Variants in ATG13 observed in about 807,000 individuals in gnomAD.
The protein encoded by ATG13 is autophagy related 13.
A neutral mutation model predicts 65.5 loss-of-function variants in ATG13; 23 were observed. The observed-to-expected ratio is 0.35, with a 90% confidence interval of 0.25 to 0.50. The LOEUF (loss-of-function observed/expected upper bound fraction) is 0.50. Among genes scored for constraint, ATG13 ranks in the 20% least tolerant of loss-of-function variants. The probability of loss-of-function intolerance (pLI) is 0.98; values close to 1 mark genes in which losing one functional copy is unlikely to be tolerated. For synonymous variants in ATG13, 252 were observed against 245.2 expected (o/e 1.03, Z -0.26); for missense variants, 566 against 677.0 (o/e 0.84, Z 1.82).
rs1023221994 is a variant in ATG13, at chr11:46,668,215, G to A, written c.1252-284G>A. Among the ~76,000 whole-genome samples, 3 of 152,282 alleles carry A rather than the reference G, an allele frequency of 2.0e-5. No individual in the cohort carries two copies. In the East Asian group the frequency reaches 5.8e-4, roughly 29 times the overall value. ...AACTAGGAGGTTCCTCCTCAGCGGGGCCAGTGAAGCACATTATTACTGCAT... is the reference window on the plus strand; with the variant it reads ...AACTAGGAGGTTCCTCCTCAGCGGGACCAGTGAAGCACATTATTACTGCAT... On this transcript the variant is annotated intron_variant, in intron 15 of 18. Coordinates refer to ENST00000683050, the MANE Select transcript of ATG13 (RefSeq NM_001346311.2).
chr11:46,639,374 T>G (rs76781632), intron 2 of ATG13, among the ~76,000 whole-genome samples: 2,480 of 152,280 alleles, frequency 0.016, 68 homozygotes, highest in African/African-American at 0.057. Context: ...ATAGTGGTTA[T>G]TGTTGGCTTC....
chr11:46,661,840 T>A (rs920960523), intron 11 of ATG13, among the ~76,000 whole-genome samples: 7 of 151,954 alleles, frequency 4.6e-5, no homozygotes, highest in South Asian at 2.1e-4. Flanking sequence ...CAAAAAAAAA[T>A]AAAATAATAA....
intron 18 of ATG13, among the ~76,000 whole-genome samples, chr11:46,670,112 A>G (rs1015399699): frequency 3.3e-5 from 5 of 152,130 alleles, no homozygotes; most frequent in African/African-American, 9.7e-5. Context: ...TGGAATGATC[A>G]CCTCCTAAAT....
rs61702455 is a variant in ATG13 at position 46,671,409 on chromosome 11, A to G, written c.1576-846A>G. 4.7e-3 allele frequency among the ~76,000 whole-genome samples: 719 copies of G among 152,178 alleles called. 9 individuals carry two copies. The highest frequency in any genetic ancestry group is 0.017 in the African/African-American group (691 of 41,502). ...CTTCTGTCTTTACCATTCTCTCTCA[A>G]TCTCTAACTCACCCCTTCCTCAGCT... is the stretch of plus-strand genomic sequence containing the variant. On this transcript the variant is annotated intron_variant, in intron 18 of 18. Coordinates refer to ENST00000683050, the MANE Select transcript of ATG13 (RefSeq NM_001346311.2).
At chr11:46,636,514 T>G (rs958740376) in intron 2 of ATG13, among the ~76,000 whole-genome samples, 1 of 132,570 alleles carries the variant, frequency 7.5e-6, no homozygotes. Context: ...GCCGAGATCA[T>G]GCCACTGCAC....
intron 5 of ATG13, among the ~76,000 whole-genome samples, chr11:46,647,917 G>A (rs2058053150): frequency 6.6e-6 from 1 of 151,972 alleles, no homozygotes; most frequent in Non-Finnish European, 1.5e-5. Context: ...AGCCTGTATT[G>A]TGAGTTTTAA....
At chr11:46,642,828 C>T (rs2056484674) in intron 2 of ATG13, among the ~76,000 whole-genome samples, 2 of 152,210 alleles carry the variant, frequency 1.3e-5, no homozygotes, top group South Asian at 2.1e-4. Context: ...GTGGGCTCCC[C>T]TGTCTCGCAC....
rs1355627074 is a variant in ATG13, at chr11:46,673,029, AC to A, written c.*700del. The A allele has an allele frequency of 4.7e-6, 1 of 211,128 alleles. No homozygotes were observed. Among genetic ancestry groups the A allele is most frequent in the African/African-American group, 2.3e-5 (1 of 43,222 alleles). 13.1% of individuals were successfully genotyped at this position (211,128 alleles called of 1,614,324 possible). ...CAGCTCCATGGGAAATAAAAATGGC[AC>A]CCTGAATCTCTAGGATTTTGTCACT... On this transcript the variant is annotated 3_prime_UTR_variant, in exon 19 of 19. Transcript: ENST00000683050.
Position 46,668,340 on chromosome 11 carries a change from C to T in ATG13, c.1252-159C>T, listed in dbSNP as rs558721289. Among the ~76,000 whole-genome samples, 8 of 152,264 alleles carry T rather than the reference C, an allele frequency of 5.3e-5. No homozygotes were observed. The South Asian group carries it at 6.2e-4, about 12-fold the overall frequency. On this transcript the variant is annotated intron_variant, in intron 15 of 18. Transcript: ENST00000683050. ...ATGTGATGGGGGACAGGGAGGTGAGCGAGCTTGGAGAGCCTCTAACAAGGC... is the reference window on the plus strand; with the variant it reads ...ATGTGATGGGGGACAGGGAGGTGAGTGAGCTTGGAGAGCCTCTAACAAGGC...
chr11:46,619,207 C>G (rs1030222352), intron 1 of ATG13, among the ~76,000 whole-genome samples: 2 of 151,884 alleles, frequency 1.3e-5, no homozygotes, highest in African/African-American at 4.8e-5. Context: ...AATAGAGGTA[C>G]TGTAGCCAGG....
At chr11:46,661,621 C>G (rs2061245408) in intron 11 of ATG13, among the ~76,000 whole-genome samples, 1 of 151,378 alleles carries the variant, frequency 6.6e-6, no homozygotes, top group Non-Finnish European at 1.5e-5. Context: ...CGCCTGAGCC[C>G]AAGAGTTCAA....
At position 46,664,063 on chromosome 11, in the gene ATG13, G is replaced by A. The variant is rs777375796; in HGVS notation, c.856G>A (p.Val286Ile). The A allele has an allele frequency of 1.9e-6, 3 of 1,597,422 alleles. No homozygotes were observed. The highest frequency in any genetic ancestry group is 2.7e-5 in the African/African-American group (2 of 74,750). The change falls in exon 12 of 19, where the codon GTC becomes ATC. Residue 286 changes from valine (V) to isoleucine (I), a missense_variant. By Grantham distance (29) the Val-to-Ile change is conservative. Around this residue, in one of 2 missense-constraint regions of ATG13, gnomAD observed 387 missense variants for 409.8 expected, o/e 0.94. Coordinates refer to ENST00000683050, the MANE Select transcript of ATG13 (RefSeq NM_001346311.2). ...TCCTGTGGTGACGGACACCCTGAGG[G>A]TCCCCATGGCAGGACTGGCCTTTTC... Reference protein sequence around the residue: ...PTPVVTDTLRVPMAGLAFSHQ... With the variant: ...PTPVVTDTLRIPMAGLAFSHQ...
Position 46,673,739 on chromosome 11 carries a change from A to G in ATG13, c.*1407A>G, listed in dbSNP as rs909107380. 6.6e-6 allele frequency: 1 copy of G among 152,042 alleles called. No homozygotes were observed. Among genetic ancestry groups the G allele is most frequent in the Non-Finnish European group, 1.5e-5 (1 of 68,010 alleles). The allele number at this position is 152,042 out of a possible 1,614,324, so 9.4% of individuals were successfully genotyped here. A position where few individuals can be genotyped will look rare whatever the true frequency, so the allele number is the denominator to read the frequency against. ...ATAAGTCAAGTGCCTAGCCTCACCC[A>G]CCTATGATCTGTCCTTTCCCAGCCT... is the stretch of plus-strand genomic sequence containing the variant. On this transcript the variant is annotated 3_prime_UTR_variant, in exon 19 of 19. Transcript: ENST00000683050.
intron 5 of ATG13, among the ~76,000 whole-genome samples, chr11:46,646,970 G>T (rs1189966170): frequency 7.2e-5 from 11 of 152,086 alleles, no homozygotes; most frequent in African/African-American, 2.4e-4. Flanking sequence ...ATGTTGCCCA[G>T]GCTGGTCTCA....
chr11:46,633,024 ATATT>A (rs1468035332), intron 2 of ATG13, among the ~76,000 whole-genome samples: 5 of 99,862 alleles, frequency 5.0e-5, no homozygotes, highest in Admixed American at 2.8e-4. Flanking sequence ...ATATATATAT[ATATT>A]TTTTTTTTTT....
chr11:46,628,799 TAC>T (rs1220354957), intron 1 of ATG13, among the ~76,000 whole-genome samples: 1 of 152,180 alleles, frequency 6.6e-6, no homozygotes, highest in Non-Finnish European at 1.5e-5. Context: ...ATTATAAATT[TAC>T]AGTTTCACAA....
intron 1 of ATG13, among the ~76,000 whole-genome samples, chr11:46,628,690 G>A (rs2050582785): frequency 6.6e-6 from 1 of 152,032 alleles, no homozygotes; most frequent in Admixed American, 6.6e-5. Context: ...ATTAGATTAG[G>A]TCCATATATA....
chr11:46,634,943 C>T (rs553693888), intron 2 of ATG13, among the ~76,000 whole-genome samples: 14 of 151,972 alleles, frequency 9.2e-5, no homozygotes, highest in East Asian at 3.9e-4. Context: ...CCTTGTGATC[C>T]GCCCGACTCA....
At chr11:46,663,042 G>A (rs1015007454) in intron 11 of ATG13, among the ~76,000 whole-genome samples, 1 of 152,080 alleles carries the variant, frequency 6.6e-6, no homozygotes, top group Non-Finnish European at 1.5e-5. Flanking sequence ...GAGGTGGGCG[G>A]ATCACGAGGT....
Sources: gnomAD v4.1 joint callset for allele counts (sites outside exome capture counted in the v4.1 genomes callset) on GRCh38, gnomAD v4.1.1 for gene constraint, gnomAD v4.1.1 regional missense constraint, MANE v1.5 for transcripts, NCBI Gene and HGNC (gene_info 2026-07-23, HGNC 2026-07-21) for gene names.